ROBO1: variants seen among roughly 807,000 people sequenced by gnomAD.
ROBO1 encodes the protein roundabout homolog 1.
A neutral mutation model predicts 195.9 loss-of-function variants in ROBO1; 149 were observed. That is an observed-to-expected ratio of 0.76 (90% CI 0.67 to 0.87). The LOEUF is 0.87. ROBO1 is among the 40% of genes least tolerant of loss of function. The probability of loss-of-function intolerance (pLI) is 0.00; values close to 1 mark genes in which losing one functional copy is unlikely to be tolerated. For missense variants in ROBO1, 1,933 were observed against 2,068.3 expected, an observed-to-expected ratio of 0.93 and a Z score of 1.27; for synonymous variants, 816 against 733.2, an observed-to-expected ratio of 1.11 and a Z score of -1.82.
At chr3:78,631,351 C>T (rs768490597) in intron 24 of ROBO1, 46 bp from the exon 25 acceptor site, 41 of 1,570,084 alleles carry the variant, frequency 2.6e-5, no homozygotes, top group Non-Finnish European at 3.0e-5. Flanking sequence ...GGCCTTTAAA[C>T]TTTTTCCATT....
intron 2 of ROBO1, among the ~76,000 whole-genome samples, chr3:79,242,442 G>A (rs1390523779): frequency 6.6e-6 from 1 of 152,048 alleles, no homozygotes; most frequent in East Asian, 1.9e-4. Flanking sequence ...AGCCATAGGG[G>A]CACAAGGATA....
intron 2 of ROBO1, among the ~76,000 whole-genome samples, chr3:79,141,833 C>T (rs748057749): frequency 1.3e-4 from 20 of 152,052 alleles, no homozygotes; most frequent in African/African-American, 2.7e-4. Flanking sequence ...TCCCATTTCT[C>T]GCTAATTCAG....
chr3:79,184,823 C>T (rs1219487533), intron 2 of ROBO1, among the ~76,000 whole-genome samples: 1 of 152,130 alleles, frequency 6.6e-6, no homozygotes, highest in African/African-American at 2.4e-5. Context: ...TCTACAATAT[C>T]CTTCAATGTA....
chr3:78,744,388 T>C lies in ROBO1; in HGVS notation c.657+2355A>G, dbSNP rs78682197. Among the ~76,000 whole-genome samples the C allele has an allele frequency of 1.7e-3, 258 of 152,296 alleles. 4 individuals are homozygous for C. The East Asian group carries it at 0.039, about 23-fold the overall frequency. ...AGAGCTCTTAGTGGTTCTCCCTGCCTCTACCATTGCCACGTTTCAGTGTGT... is the reference window on the plus strand; with the variant it reads ...AGAGCTCTTAGTGGTTCTCCCTGCCCCTACCATTGCCACGTTTCAGTGTGT... On this transcript the variant is annotated intron_variant, in intron 5 of 30. Coordinates refer to ENST00000464233, the MANE Select transcript of ROBO1 (RefSeq NM_002941.4).
At chr3:78,657,683 G>A (rs986712237) in intron 17 of ROBO1, among the ~76,000 whole-genome samples, 7 of 152,182 alleles carry the variant, frequency 4.6e-5, no homozygotes, top group African/African-American at 1.7e-4. Flanking sequence ...TTCTAGGCAT[G>A]ACCCAGATGA....
At chr3:79,066,833 C>T (rs1248726759) in intron 3 of ROBO1, among the ~76,000 whole-genome samples, 1 of 151,878 alleles carries the variant, frequency 6.6e-6, no homozygotes, top group Non-Finnish European at 1.5e-5. Flanking sequence ...TGTCATCATT[C>T]TCAGCAGATA....
At chr3:78,655,418 T>C (rs1706944336) in intron 18 of ROBO1, among the ~76,000 whole-genome samples, 1 of 152,130 alleles carries the variant, frequency 6.6e-6, no homozygotes, top group Admixed American at 6.6e-5. Flanking sequence ...CCATAGACGA[T>C]GTGTTTCTTT....
chr3:79,689,319 G>A (rs1385466312), intron 1 of ROBO1, among the ~76,000 whole-genome samples: 3 of 151,934 alleles, frequency 2.0e-5, no homozygotes, highest in East Asian at 1.9e-4. Context: ...AATTAGACGC[G>A]ATGACTTATT....
chr3:79,109,740 C>T lies in ROBO1; in HGVS notation c.172+15716G>A, dbSNP rs1399677856. 2.6e-5 allele frequency among the ~76,000 whole-genome samples: 4 copies of T among 152,128 alleles called. No homozygotes were observed. The East Asian group carries it at 5.8e-4, about 22-fold the overall frequency. On this transcript the variant is annotated intron_variant, in intron 3 of 30. Transcript: ENST00000464233. ...AAAATTGACTAGGAGGCTACTGAGACGTCAATCTTTAAAATTGATTTTGGG... is the reference window on the plus strand; with the variant it reads ...AAAATTGACTAGGAGGCTACTGAGATGTCAATCTTTAAAATTGATTTTGGG...
chr3:79,329,371 T>C (rs1037983495), intron 2 of ROBO1, among the ~76,000 whole-genome samples: 3 of 152,152 alleles, frequency 2.0e-5, no homozygotes, highest in Admixed American at 6.5e-5. Flanking sequence ...ATTCCTCTCA[T>C]CGTGTGTGAC....
At chr3:79,165,576 G>T (rs1265999090) in intron 2 of ROBO1, among the ~76,000 whole-genome samples, 2 of 152,186 alleles carry the variant, frequency 1.3e-5, no homozygotes, top group Non-Finnish European at 2.9e-5. Context: ...GGAGCAATGG[G>T]TTCCCTAAGG....
intron 3 of ROBO1, among the ~76,000 whole-genome samples, chr3:79,076,018 C>T (rs536173842): frequency 4.6e-4 from 69 of 151,362 alleles, no homozygotes; most frequent in African/African-American, 1.5e-3. Context: ...GCTGCCATTG[C>T]TATTTATGTG....
At chr3:79,698,199 T>C (rs1947502937) in intron 1 of ROBO1, among the ~76,000 whole-genome samples, 1 of 151,492 alleles carries the variant, frequency 6.6e-6, no homozygotes. Flanking sequence ...ATGAACTTAC[T>C]AGAAATTTGT....
At chr3:79,311,715 A>G (rs1469434451) in intron 2 of ROBO1, among the ~76,000 whole-genome samples, 1 of 152,154 alleles carries the variant, frequency 6.6e-6, no homozygotes. Flanking sequence ...TGTATTGTGT[A>G]TTTGCTAGAT....
At chr3:79,293,881 A>G (rs1398776991) in intron 2 of ROBO1, among the ~76,000 whole-genome samples, 1 of 151,100 alleles carries the variant, frequency 6.6e-6, no homozygotes, top group East Asian at 2.0e-4. Context: ...ACACGGTGAA[A>G]CCCCGTCTCT....
chr3:78,821,970 C>T (rs983563272), intron 4 of ROBO1, among the ~76,000 whole-genome samples: 11 of 152,030 alleles, frequency 7.2e-5, no homozygotes, highest in South Asian at 2.1e-4. Context: ...TTGTAGACAA[C>T]GGGCCAATGC....
At chr3:79,618,038 A>T (rs1944882561) in intron 1 of ROBO1, among the ~76,000 whole-genome samples, 1 of 151,862 alleles carries the variant, frequency 6.6e-6, no homozygotes, top group African/African-American at 2.4e-5. Flanking sequence ...GAGCCTGAAG[A>T]CCAGGTCCTG....
intron 2 of ROBO1, among the ~76,000 whole-genome samples, chr3:79,239,142 T>C (rs1024421552): frequency 1.3e-5 from 2 of 152,074 alleles, no homozygotes; most frequent in East Asian, 3.9e-4. Flanking sequence ...GAACAAAGAA[T>C]AGGAAGTATT....
chr3:79,661,070 C>A (rs142105965), intron 1 of ROBO1, among the ~76,000 whole-genome samples: 23 of 152,172 alleles, frequency 1.5e-4, no homozygotes, highest in African/African-American at 5.3e-4. Context: ...AAAGGATGAA[C>A]TTTGATGGAC....
Sources: gnomAD v4.1 joint callset for allele counts (sites outside exome capture counted in the v4.1 genomes callset) on GRCh38, gnomAD v4.1.1 for gene constraint, MANE v1.5 for transcripts, NCBI Gene and HGNC (gene_info 2026-07-23, HGNC 2026-07-21) for gene names.